The following HDAC10 variants were observed in gnomAD, a reference collection of about 807,000 sequenced individuals.
The protein encoded by HDAC10 is polyamine deacetylase HDAC10.
In HDAC10, 90 loss-of-function variants were observed where a neutral mutation model predicts 82.3. That is an observed-to-expected ratio of 1.09 (90% confidence interval 0.92 to 1.30). The LOEUF (loss-of-function observed/expected upper bound fraction) is 1.30. Among genes scored for constraint, HDAC10 ranks in the 50% most tolerant of loss-of-function variants. The pLI is 0.00. For missense variants in HDAC10, 934 were observed against 876.3 expected (o/e 1.07, Z -0.83); for synonymous variants, 456 against 391.7 (o/e 1.16, Z -1.94).
In HDAC10 at chr22:50,249,454, G is replaced by A. The variant is rs144340441; in HGVS notation, c.564C>T (p.Ser188=). 8.1e-6 allele frequency: 13 copies of A among 1,612,562 alleles called. 1 individual carries two copies. The Middle Eastern group carries it at 6.6e-4, about 82-fold the overall frequency. The part of the protein sequence containing the change: ...GIQYLFEDDP[S]VLYFSWHRYE... ...AGCGGTGCCAGGAGAAGTAAAGGAC[G>A]CTGCCAACAGCCAGCCAGGGCCAGA... Residue 188 remains serine (S), a splice_region_variant and synonymous_variant, in exon 7 of 20, where the codon AGC becomes AGT. Transcript: ENST00000216271. This position sits in a 1 kb window ranked among gnomAD's most constrained non-coding sequence, Gnocchi z 4.4.
chr22:50,248,551 C>G lies in HDAC10; in HGVS notation c.907-79G>C. 1.3e-6 allele frequency: 2 copies of G among 1,498,388 alleles called. No individual in the cohort carries two copies. Among genetic ancestry groups the G allele is most frequent in the East Asian group, 2.4e-5 (1 of 40,916 alleles). The allele number at this position is 1,498,388 out of a possible 1,614,324, so 92.8% of individuals were successfully genotyped here. A position where few individuals can be genotyped will look rare whatever the true frequency, so the allele number is the denominator to read the frequency against. Reference sequence around the variant, plus strand: ...TCACCGGGAGAGCCCCTGCCTGGCTCTATCCCGGGCAGGACGCCCCTCCCA... The same window carrying G: ...TCACCGGGAGAGCCCCTGCCTGGCTGTATCCCGGGCAGGACGCCCCTCCCA... On this transcript the variant is annotated intron_variant, in intron 10 of 19. Transcript: ENST00000216271. This position sits in a 1 kb window ranked among gnomAD's most constrained non-coding sequence, Gnocchi z 5.4.
Position 50,248,091 on chromosome 22 carries a change from G to C in HDAC10, c.1136C>G (p.Pro379Arg). Residue 379 changes from proline to arginine, a missense_variant, in exon 13 of 20, where the codon CCA (proline) becomes CGA (arginine). Pro to Arg is a moderately radical substitution (Grantham distance 103). Transcript: ENST00000216271. This position sits in a 1 kb window ranked among gnomAD's most constrained non-coding sequence, Gnocchi z 5.4. ...CACTGGACCCCCAGGCAGCAGAGGT[G>C]GAGGCCTCCCCTCTGGGGAGTGGCT... ...PSSHSPEGRP[P>R]PLLPGGPVCK... 6.3e-7 allele frequency: 1 copy of C among 1,598,430 alleles called. No homozygotes were observed. Among genetic ancestry groups the C allele is most frequent in the African/African-American group, 1.3e-5 (1 of 74,836 alleles).
chr22:50,250,886 G>T lies in HDAC10; in HGVS notation c.79C>A (p.Arg27Ser). The T allele has an allele frequency of 6.2e-7, 1 of 1,601,378 alleles. No individual in the cohort carries two copies. Among genetic ancestry groups the T allele is most frequent in the South Asian group, 1.1e-5 (1 of 89,650 alleles). The change falls in exon 2 of 20, where the codon CGT becomes AGT. Residue 27 changes from arginine (R) to serine (S), a missense_variant. By Grantham distance (110) the Arg-to-Ser change is moderately radical. Coordinates refer to ENST00000216271, the MANE Select transcript of HDAC10 (RefSeq NM_032019.6). ...AGGGCTGCGGTCAGGCGCTCAGGACGCTCGATCTCGCACTCGGGGCTGGGG... is the reference window on the plus strand; with the variant it reads ...AGGGCTGCGGTCAGGCGCTCAGGACTCTCGATCTCGCACTCGGGGCTGGGG... ...LWDDPECEIE[R>S]PERLTAALDR...
In HDAC10 at chr22:50,246,299, A is replaced by G. The variant is rs1281304115; in HGVS notation, c.1649T>C (p.Val550Ala). 1 of 1,612,500 alleles carries G rather than the reference A, an allele frequency of 6.2e-7. No individual in the cohort carries two copies. The highest frequency in any genetic ancestry group is 1.1e-5 in the South Asian group (1 of 91,074). ...TTGCCGCGTGGCATGGTCACTCACC[A>G]CTGGCAGTGGCGTGGAGACATGGAA... ...SMFHVSTPLPVMTGGFLSCIL... is the reference protein window; with the variant it reads ...SMFHVSTPLPAMTGGFLSCIL... Residue 550 changes from valine to alanine, a missense_variant and splice_region_variant, in exon 17 of 20, where the codon GTG (valine) becomes GCG (alanine). Val to Ala is a moderately conservative substitution (Grantham distance 64). Coordinates refer to ENST00000216271, the MANE Select transcript of HDAC10 (RefSeq NM_032019.6).
rs41283471 is a variant in HDAC10, at chr22:50,248,761, G to A, written c.817-10C>T. The stretch of plus-strand genomic sequence containing the variant: ...TGGCCTGCATTTGCCCCTGGAACCA[G>A]AGCCATGTGTGATGGGGGACCTGGG... On this transcript the variant is annotated splice_polypyrimidine_tract_variant and intron_variant, in intron 9 of 19. Transcript: ENST00000216271. The surrounding 1 kb of genome is among the most constrained non-coding windows in gnomAD (Gnocchi z 5.4). 6.3e-7 allele frequency: 1 copy of A among 1,589,194 alleles called. No homozygotes were observed. Among genetic ancestry groups the A allele is most frequent in the East Asian group, 2.3e-5 (1 of 43,898 alleles).
In HDAC10 at chr22:50,249,386, G is replaced by C; in HGVS notation, c.632C>G (p.Ala211Gly). The C allele has an allele frequency of 6.2e-7, 1 of 1,612,668 alleles. No individual in the cohort carries two copies. Among genetic ancestry groups the C allele is most frequent in the Non-Finnish European group, 8.5e-7 (1 of 1,179,928 alleles). The change falls in exon 7 of 20, where the codon GCA becomes GGA. Residue 211 changes from alanine (A) to glycine (G), a missense_variant. Coordinates refer to ENST00000216271, the MANE Select transcript of HDAC10 (RefSeq NM_032019.6). This position sits in a 1 kb window ranked among gnomAD's most constrained non-coding sequence, Gnocchi z 4.4. ...GCCCTGTCCCCGCCCCACTGCGTCT[G>C]CATCTGACTCTCGCAGGAAAGGCCA... The part of the protein sequence containing the change: ...RFWPFLRESD[A>G]DAVGRGQGLG...
Position 50,246,056 on chromosome 22 carries a change from C to T in HDAC10, c.1687G>A (p.Val563Met), listed in dbSNP as rs748152015. The T allele has an allele frequency of 3.1e-6, 5 of 1,611,558 alleles. No homozygotes were observed. The highest frequency in any genetic ancestry group is 2.2e-5 in the South Asian group (2 of 90,938). ...TGGAAGCCATAGGCCAGGGGCAGCA[C>T]CAAGCCCAAGATGCAGCTCAGGAAA... ...GGFLSCILGL[V>M]LPLAYGFQPD... The change falls in exon 18 of 20, where the codon GTG (valine) becomes ATG (methionine). Residue 563 changes from valine to methionine, a missense_variant. Physicochemically the swap from Val to Met is conservative, Grantham distance 21 (BLOSUM62 1). Transcript: ENST00000216271.
chr22:50,248,317 G>A lies in HDAC10; in HGVS notation c.1014-25C>T. 6.2e-7 allele frequency: 1 copy of A among 1,612,012 alleles called. No homozygotes were observed. Among genetic ancestry groups the A allele is most frequent in the Non-Finnish European group, 8.5e-7 (1 of 1,179,772 alleles). On this transcript the variant is annotated intron_variant, in intron 11 of 19. Transcript: ENST00000216271. The surrounding 1 kb of genome is among the most constrained non-coding windows in gnomAD (Gnocchi z 5.4). ...ACTGTGAGGGAGACACAACAGTCGT[G>A]ACACCTGGTCTCACACCCCGGCCCT...
chr22:50,249,397 T>G lies in HDAC10; in HGVS notation c.621A>C (p.Arg207=). Residue 207 remains arginine (R), a synonymous_variant, in exon 7 of 20, where the codon CGA becomes CGC. Coordinates refer to ENST00000216271, the MANE Select transcript of HDAC10 (RefSeq NM_032019.6). The surrounding 1 kb of genome is among the most constrained non-coding windows in gnomAD (Gnocchi z 4.4). ...GCCCCACTGCGTCTGCATCTGACTC[T>G]CGCAGGAAAGGCCAGAAGCGCCCAT... is the stretch of plus-strand genomic sequence containing the variant. The part of the protein sequence containing the change: ...YEHGRFWPFL[R]ESDADAVGRG... The G allele has an allele frequency of 6.2e-7, 1 of 1,612,676 alleles. No homozygotes were observed.
chr22:50,245,872 C>T (rs1473599334), intron 18 of HDAC10, 38 bp downstream of exon 18: 11 of 1,551,208 alleles, frequency 7.1e-6, no homozygotes, highest in South Asian at 1.2e-5. Flanking sequence ...TCCTTTCCCT[C>T]GTCCCACCCC....
In HDAC10 at chr22:50,245,727, T is replaced by C; in HGVS notation, c.1934A>G (p.Gln645Arg). Residue 645 changes from glutamine to arginine, a missense_variant, in exon 19 of 20, where the codon CAG becomes CGG. Gln to Arg is a conservative substitution (Grantham distance 43, BLOSUM62 1). Transcript: ENST00000216271. ...PSSVASPEDV[Q>R]ALMYLRGQLE... ...CTGCCCTCTCAGGTACATCAGGGCC[T>C]GGACGTCCTCTGGGGAGGCCACAGA... is the stretch of plus-strand genomic sequence containing the variant. The C allele has an allele frequency of 1.2e-6, 2 of 1,613,138 alleles. No homozygotes were observed. The highest frequency in any genetic ancestry group is 1.1e-5 in the South Asian group (1 of 91,036).
Position 50,248,602 on chromosome 22 carries a change from A to G in HDAC10, c.906+60T>C. On this transcript the variant is annotated intron_variant, in intron 10 of 19. Transcript: ENST00000216271. This position sits in a 1 kb window ranked among gnomAD's most constrained non-coding sequence, Gnocchi z 5.4. ...AATACCCCGTGGGCACCTGGCTCCC[A>G]TGCTCCTGACCCCCAGGCCTCTGGC... is the stretch of plus-strand genomic sequence containing the variant. 1 of 1,475,584 alleles carries G rather than the reference A, an allele frequency of 6.8e-7. No individual in the cohort carries two copies. Among genetic ancestry groups the G allele is most frequent in the Non-Finnish European group, 9.0e-7 (1 of 1,108,588 alleles). The allele number at this position is 1,475,584 out of a possible 1,614,324, so 91.4% of individuals were successfully genotyped here.
intron 16 of HDAC10, 25 bp downstream of exon 16, chr22:50,246,654 C>T (rs1047856084): frequency 6.2e-6 from 10 of 1,608,406 alleles, no homozygotes; most frequent in East Asian, 2.2e-5. Context: ...CATGGCTGGA[C>T]ATATGCAAGA....
chr22:50,247,108 T>C, intron 14 of HDAC10, 142 bp from the exon 15 acceptor site: 1 of 533,398 alleles, frequency 1.9e-6, no homozygotes, highest in South Asian at 2.9e-5. Flanking sequence ...AATCACTCCA[T>C]TTCTGTAAAT....
intron 3 of HDAC10, 34 bp from the exon 4 acceptor site, chr22:50,250,194 C>T: frequency 1.3e-6 from 2 of 1,578,968 alleles, no homozygotes; most frequent in Non-Finnish European, 1.7e-6. Flanking sequence ...AGCCCCCTGC[C>T]TTCCCTGCTG....
chr22:50,248,247 G>A lies in HDAC10; in HGVS notation c.1059C>T (p.His353=). Residue 353 remains histidine, a synonymous_variant, in exon 12 of 20, where the codon CAC becomes CAT. Transcript: ENST00000216271. This position sits in a 1 kb window ranked among gnomAD's most constrained non-coding sequence, Gnocchi z 5.4. ...GACCTTGCTGCTGGAGGCTCTTCCA[G>A]TGCGGGGCCTGGGCAGCACGGGCAC... ...IQSARAAQAP[H]WKSLQQQDVT... 6.2e-7 allele frequency: 1 copy of A among 1,612,462 alleles called. No individual in the cohort carries two copies. Among genetic ancestry groups the A allele is most frequent in the Non-Finnish European group, 8.5e-7 (1 of 1,179,894 alleles).
chr22:50,248,353 C>T lies in HDAC10; in HGVS notation c.1013+13G>A. On this transcript the variant is annotated intron_variant, in intron 11 of 19. Transcript: ENST00000216271. The surrounding 1 kb of genome is among the most constrained non-coding windows in gnomAD (Gnocchi z 5.4). ...TCACACCCCGGCCCTGCCCGCCCTA[C>T]CTCCCCTCGCACCTCTGACATGGCG... 2 of 1,611,162 alleles carry T rather than the reference C, an allele frequency of 1.2e-6. No individual in the cohort carries two copies. The highest frequency in any genetic ancestry group is 8.5e-7 in the Non-Finnish European group (1 of 1,179,770).
At position 50,245,305 on chromosome 22, in the gene HDAC10, T is replaced by G. The variant is rs2147225138; in HGVS notation, c.*202A>C. 4.7e-5 allele frequency: 24 copies of G among 514,918 alleles called. No homozygotes were observed. The highest frequency in any genetic ancestry group is 6.4e-5 in the East Asian group (2 of 31,022). 31.9% of individuals were successfully genotyped at this position (514,918 alleles called of 1,614,324 possible). A position where few individuals can be genotyped will look rare whatever the true frequency, so the allele number is the denominator to read the frequency against. ...CTCGATGGGACGGGCCGGGGCGCGA[T>G]GGGTGGGGCGGGGGCGAGGTGAGGT... On this transcript the variant is annotated 3_prime_UTR_variant, in exon 20 of 20. Coordinates refer to ENST00000216271, the MANE Select transcript of HDAC10 (RefSeq NM_032019.6).
Position 50,245,626 on chromosome 22 carries a change from G to A in HDAC10, c.1986+49C>T, listed in dbSNP as rs755739359. 8.7e-6 allele frequency: 14 copies of A among 1,610,970 alleles called. No individual in the cohort carries two copies. The African/African-American group carries it at 1.2e-4, about 14-fold the overall frequency. ...CCCTGCCCTCCCCACCGATCTGTGC[G>A]GCAGAGCCAGGCCCCAGGGCAGGGC... On this transcript the variant is annotated intron_variant, in intron 19 of 19. Coordinates refer to ENST00000216271, the MANE Select transcript of HDAC10 (RefSeq NM_032019.6).
Sources: allele counts gnomAD v4.1 joint callset, GRCh38; gene constraint gnomAD v4.1.1; non-coding constraint Gnocchi (gnomAD v3.1); transcripts MANE v1.5; gene names NCBI Gene and HGNC (gene_info 2026-07-23, HGNC 2026-07-21).